Variants in EYS observed in about 807,000 individuals in gnomAD.
EYS encodes protein eyes shut homolog.
Under a neutral mutation model 282.1 loss-of-function variants are expected in EYS, and 250 were observed. That is an observed-to-expected ratio of 0.89 (90% CI 0.80 to 0.98). The LOEUF (loss-of-function observed/expected upper bound fraction) is 0.98. Ranked by LOEUF, EYS falls within the 50% of genes least tolerant of loss-of-function variation. EYS has a pLI of 0.00. For synonymous variants in EYS, 1,355 were observed against 1,282.9 expected (o/e 1.06, Z -1.20); for missense variants, 4,016 against 3,709.0 (o/e 1.08, Z -2.15).
chr6:64,862,609 T>C (rs746347092), intron 19 of EYS, among the ~76,000 whole-genome samples: 20 of 152,274 alleles, frequency 1.3e-4, no homozygotes, highest in Non-Finnish European at 2.5e-4. Flanking sequence ...TTCCAACATA[T>C]GGAGTAATCA....
At chr6:64,180,141 A>G (rs190250112) in intron 31 of EYS, among the ~76,000 whole-genome samples, 2 of 152,292 alleles carry the variant, frequency 1.3e-5, no homozygotes, top group East Asian at 1.9e-4. Flanking sequence ...TGAGAATACT[A>G]TCAGTTGGAA....
chr6:65,162,938 T>G (rs1304028255), intron 12 of EYS, among the ~76,000 whole-genome samples: 1 of 151,104 alleles, frequency 6.6e-6, no homozygotes, highest in Non-Finnish European at 1.5e-5. Flanking sequence ...TGTGTGTGTC[T>G]GTGTGTTCCC....
At chr6:63,881,015 T>A (rs1439711134) in intron 35 of EYS, among the ~76,000 whole-genome samples, 2 of 152,170 alleles carry the variant, frequency 1.3e-5, no homozygotes, top group Non-Finnish European at 2.9e-5. Context: ...AACACTTTTT[T>A]TTTTTGACAC....
At position 64,570,594 on chromosome 6, in the gene EYS, C is replaced by T. The variant is rs192887420; in HGVS notation, c.5644+19629G>A. Among the ~76,000 whole-genome samples the T allele has an allele frequency of 7.5e-4, 114 of 151,864 alleles. 1 individual carries two copies. In the East Asian group the frequency reaches 0.012, roughly 16 times the overall value. On this transcript the variant is annotated intron_variant, in intron 26 of 42. Transcript: ENST00000503581. ...AATAAAGAGATGGAGAAATATTTAC[C>T]GAGCAAATTGAAAGCAAAAAAAAGC... is the stretch of plus-strand genomic sequence containing the variant.
intron 35 of EYS, among the ~76,000 whole-genome samples, chr6:63,981,295 G>A (rs567710439): frequency 2.0e-5 from 3 of 151,768 alleles, no homozygotes; most frequent in Admixed American, 6.6e-5. Context: ...AATCTCCTCC[G>A]TGGTCCTATA....
At chr6:64,212,591 T>C (rs1227791205) in intron 31 of EYS, among the ~76,000 whole-genome samples, 1 of 151,930 alleles carries the variant, frequency 6.6e-6, no homozygotes, top group Admixed American at 6.6e-5. Flanking sequence ...TTAACACCTT[T>C]ATTATTTAAA....
At position 63,721,619 on chromosome 6, in the gene EYS, T is replaced by C; in HGVS notation, c.8412A>G (p.Val2804=). ...TCATTTTAGTGGAGGCCTTTTCTGT[T>C]ACATTTATCCCATCTAGATCCAGGT... ...EGYLDLDGIN[V]TEKASTKMSS... is the part of the protein sequence containing the mutation. The change falls in exon 43 of 43, where the codon GTA becomes GTG. Residue 2804 remains valine, a synonymous_variant. Transcript: ENST00000503581. 1 of 1,551,462 alleles carries C rather than the reference T, an allele frequency of 6.4e-7. No individual in the cohort carries two copies. Among genetic ancestry groups the C allele is most frequent in the Non-Finnish European group, 8.7e-7 (1 of 1,146,676 alleles).
At chr6:65,190,133 A>C (rs1765606328) in intron 12 of EYS, among the ~76,000 whole-genome samples, 1 of 151,406 alleles carries the variant, frequency 6.6e-6, no homozygotes, top group African/African-American at 2.4e-5. Context: ...TATGTGAGTG[A>C]TGCAACCATC....
At chr6:65,280,863 A>T (rs573759102) in intron 12 of EYS, among the ~76,000 whole-genome samples, 216 of 134,874 alleles carry the variant, frequency 1.6e-3, no homozygotes, top group East Asian at 4.2e-3. Flanking sequence ...ACTAAAAAAA[A>T]AAATATATAT....
intron 2 of EYS, among the ~76,000 whole-genome samples, chr6:65,638,935 C>T (rs1003469581): frequency 2.6e-5 from 4 of 152,108 alleles, no homozygotes; most frequent in African/African-American, 9.7e-5. Context: ...AGCAGTGTTG[C>T]CAAGATTTTA....
chr6:64,194,261 C>A (rs548131399), intron 31 of EYS, among the ~76,000 whole-genome samples: 1 of 149,510 alleles, frequency 6.7e-6, no homozygotes, highest in South Asian at 2.1e-4. Context: ...TTCAAGAAGT[C>A]TTGTCTATTC....
At chr6:65,562,071 T>C (rs1769082611) in intron 2 of EYS, among the ~76,000 whole-genome samples, 1 of 151,640 alleles carries the variant, frequency 6.6e-6, no homozygotes, top group Non-Finnish European at 1.5e-5. Flanking sequence ...TACAGAAAAT[T>C]ACCATATACA....
At chr6:65,622,359 C>T (rs192131581) in intron 2 of EYS, among the ~76,000 whole-genome samples, 47 of 152,240 alleles carry the variant, frequency 3.1e-4, no homozygotes, top group African/African-American at 1.0e-3. Flanking sequence ...AATACATCAA[C>T]TTTTTATAAA....
At chr6:65,256,104 C>T (rs1767453029) in intron 12 of EYS, among the ~76,000 whole-genome samples, 1 of 151,976 alleles carries the variant, frequency 6.6e-6, no homozygotes, top group Non-Finnish European at 1.5e-5. Flanking sequence ...CCTGCATGTC[C>T]ATCAACAGAT....
chr6:64,733,761 C>G (rs1479208821), intron 22 of EYS: 1 of 163,674 alleles, frequency 6.1e-6, no homozygotes, highest in Non-Finnish European at 1.4e-5. Flanking sequence ...GCGCTGCACT[C>G]AAACCACCAC....
chr6:64,217,046 T>C (rs1765951394), intron 31 of EYS, among the ~76,000 whole-genome samples: 1 of 152,170 alleles, frequency 6.6e-6, no homozygotes, highest in Non-Finnish European at 1.5e-5. Flanking sequence ...ATAAAATGAA[T>C]GGAGAATGAT....
chr6:64,178,486 G>A lies in EYS; in HGVS notation c.6424+52106C>T, dbSNP rs188371766. On this transcript the variant is annotated intron_variant, in intron 31 of 42. Coordinates refer to ENST00000503581, the MANE Select transcript of EYS (RefSeq NM_001142800.2). ...TCATTACATAGCAAATCACATCAAT[G>A]AGTTTACATATATCATGGCTAAAGC... is the stretch of plus-strand genomic sequence containing the variant. 3.9e-5 allele frequency among the ~76,000 whole-genome samples: 6 copies of A among 152,164 alleles called. No homozygotes were observed. The East Asian group carries it at 1.2e-3, about 30-fold the overall frequency.
chr6:65,286,562 A>G (rs1333065216), intron 12 of EYS, among the ~76,000 whole-genome samples: 2 of 151,822 alleles, frequency 1.3e-5, no homozygotes, highest in Non-Finnish European at 3.0e-5. Context: ...GATGTCTTTA[A>G]TGTTGATAAA....
At chr6:65,170,249 G>C (rs1301489367) in intron 12 of EYS, among the ~76,000 whole-genome samples, 1 of 151,012 alleles carries the variant, frequency 6.6e-6, no homozygotes, top group East Asian at 2.0e-4. Context: ...CACACACAGA[G>C]AGAGGAGAGA....
Sources: gnomAD v4.1 joint callset for allele counts (sites outside exome capture counted in the v4.1 genomes callset) on GRCh38, gnomAD v4.1.1 for gene constraint, MANE v1.5 for transcripts, NCBI Gene and HGNC (gene_info 2026-07-23, HGNC 2026-07-21) for gene names.